IPPK: variants seen among roughly 807,000 people sequenced by gnomAD.
IPPK encodes inositol-pentakisphosphate 2-kinase, also known as IPK1 homolog.
A neutral mutation model predicts 64.6 loss-of-function variants in IPPK; 22 were observed. The ratio of observed to expected loss-of-function variants is 0.34; its 90% CI spans 0.24 to 0.49. The LOEUF is 0.49. Ranked by LOEUF, IPPK falls within the 20% of genes least tolerant of loss-of-function variation. The probability of loss-of-function intolerance (pLI) is 0.99; values close to 1 mark genes in which losing one functional copy is unlikely to be tolerated. For missense variants in IPPK, 532 were observed against 630.7 expected (o/e 0.84, Z 1.68); for synonymous variants, 262 against 247.2 (o/e 1.06, Z -0.56).
At chr9:92,645,565 C>T (rs1410759514) in intron 6 of IPPK, among the ~76,000 whole-genome samples, 1 of 151,978 alleles carries the variant, frequency 6.6e-6, no homozygotes, top group African/African-American at 2.4e-5. Context: ...CAAACTGTCA[C>T]AGGACAAAGC....
At chr9:92,659,638 G>GGA (rs1852441535) in intron 1 of IPPK, among the ~76,000 whole-genome samples, 1 of 152,102 alleles carries the variant, frequency 6.6e-6, no homozygotes, top group East Asian at 1.9e-4. Flanking sequence ...CGCCCCTGCC[G>GGA]AGGCCACAGG....
At chr9:92,650,435 G>A (rs1012036450) in intron 4 of IPPK, among the ~76,000 whole-genome samples, 1 of 152,144 alleles carries the variant, frequency 6.6e-6, no homozygotes, top group African/African-American at 2.4e-5. Flanking sequence ...ACTGCAGTCA[G>A]CCACACCGAT....
intron 6 of IPPK, 43 bp downstream of exon 6, chr9:92,648,016 A>G: frequency 7.2e-7 from 1 of 1,394,606 alleles, no homozygotes; most frequent in Non-Finnish European, 1.0e-6. Flanking sequence ...CCAGATCCCC[A>G]GCGTGCAGCT....
intron 11 of IPPK, among the ~76,000 whole-genome samples, chr9:92,627,494 C>G (rs1851755309): frequency 6.6e-6 from 1 of 152,148 alleles, no homozygotes; most frequent in Admixed American, 6.5e-5. Context: ...ATAAGAAGGA[C>G]AAGACGCCAT....
In IPPK at chr9:92,659,293, C is replaced by T. The variant is rs534004842; in HGVS notation, c.82-612G>A. Among the ~76,000 whole-genome samples, 8 of 152,258 alleles carry T rather than the reference C, an allele frequency of 5.3e-5. No homozygotes were observed. In the South Asian group the frequency reaches 1.7e-3, roughly 32 times the overall value. Reference sequence around the variant, plus strand: ...GGGACTGGTCAGAGGATTATGGGTCCACTTACTTTGTGATAATTAAGCTAT... The same window carrying T: ...GGGACTGGTCAGAGGATTATGGGTCTACTTACTTTGTGATAATTAAGCTAT... On this transcript the variant is annotated intron_variant, in intron 1 of 12. Transcript: ENST00000287996.
chr9:92,638,745 GA>G (rs1280810377), intron 8 of IPPK, among the ~76,000 whole-genome samples: 32 of 152,370 alleles, frequency 2.1e-4, no homozygotes, highest in African/African-American at 7.0e-4. Flanking sequence ...CGCCCAGGGT[GA>G]CCCCAGTGCT....
chr9:92,634,674 C>T (rs1297688657), intron 10 of IPPK, among the ~76,000 whole-genome samples, 186 bp from the exon 11 acceptor site: 1 of 152,198 alleles, frequency 6.6e-6, no homozygotes, highest in South Asian at 2.1e-4. Flanking sequence ...AAGACCAGAA[C>T]CAGCGAGCCT....
intron 1 of IPPK, among the ~76,000 whole-genome samples, chr9:92,667,239 C>T (rs868421967): frequency 6.6e-6 from 1 of 152,218 alleles, no homozygotes; most frequent in Non-Finnish European, 1.5e-5. Context: ...GTAGCAGGGT[C>T]CACCTGCTCC....
intron 8 of IPPK, 62 bp downstream of exon 8, chr9:92,640,648 A>T: frequency 9.3e-7 from 1 of 1,070,204 alleles, no homozygotes; most frequent in Non-Finnish European, 1.5e-6. Flanking sequence ...CTCATCTGTG[A>T]GGTCACTTGA....
At chr9:92,652,101 T>C (rs778325802) in intron 4 of IPPK, among the ~76,000 whole-genome samples, 4 of 152,094 alleles carry the variant, frequency 2.6e-5, no homozygotes, top group Non-Finnish European at 5.9e-5. Flanking sequence ...CAGAGAATTG[T>C]ATCCATGAGC....
chr9:92,619,446 C>T (rs1053520760), intron 12 of IPPK, 40 bp downstream of exon 12: 11 of 1,504,856 alleles, frequency 7.3e-6, no homozygotes, highest in East Asian at 4.8e-5. Context: ...CATAAAACCC[C>T]GTTAGACCCA....
intron 11 of IPPK, among the ~76,000 whole-genome samples, chr9:92,632,947 CT>C (rs1288393978): frequency 6.6e-6 from 1 of 152,186 alleles, no homozygotes; most frequent in African/African-American, 2.4e-5. Flanking sequence ...GGTTTCCTCA[CT>C]GCTTATTGTC....
chr9:92,664,259 C>A (rs1229192837), intron 1 of IPPK, among the ~76,000 whole-genome samples: 1 of 152,240 alleles, frequency 6.6e-6, no homozygotes, highest in Non-Finnish European at 1.5e-5. Flanking sequence ...GGGTGAGCTT[C>A]GCTTCACTGG....
chr9:92,667,896 C>T (rs749408844), intron 1 of IPPK, among the ~76,000 whole-genome samples: 1 of 151,414 alleles, frequency 6.6e-6, no homozygotes, highest in Non-Finnish European at 1.5e-5. Flanking sequence ...GAGCAAGACT[C>T]CGTCTCAAAA....
In IPPK at chr9:92,635,290, C is replaced by A; in HGVS notation, c.935G>T (p.Arg312Leu). 1 of 1,610,422 alleles carries A rather than the reference C, an allele frequency of 6.2e-7. No individual in the cohort carries two copies. Among genetic ancestry groups the A allele is most frequent in the Non-Finnish European group, 8.5e-7 (1 of 1,178,972 alleles). Residue 312 changes from arginine (R) to leucine (L), a missense_variant, in exon 10 of 13, where the codon CGC becomes CTC. Physicochemically the swap from Arg to Leu is moderately radical, Grantham distance 102. Transcript: ENST00000287996. This position sits in a 1 kb window ranked among gnomAD's most constrained non-coding sequence, Gnocchi z 4.4. ...LRCQGKNTPE[R>L]SGLPKGCLLY... is the part of the protein sequence containing the mutation. ...AAGACAGCCCTTCGGTAACCCCGAGCGCTCTGGGGTGTTTTTTCCTACCGA... is the reference window on the plus strand; with the variant it reads ...AAGACAGCCCTTCGGTAACCCCGAGAGCTCTGGGGTGTTTTTTCCTACCGA...
In IPPK at chr9:92,635,166, G is replaced by T; in HGVS notation, c.1059C>A (p.Pro353=). Residue 353 remains proline (P), a synonymous_variant, in exon 10 of 13, where the codon CCC becomes CCA. Transcript: ENST00000287996. The surrounding 1 kb of genome is among the most constrained non-coding windows in gnomAD (Gnocchi z 4.4). ...NRVERYLEEF[P]EERKTLQIDG... ...GGACCGCCCGACCTCACCTCTCCTC[G>T]GGAAACTCTTCCAGGTATCGCTCAA... 3 of 1,612,198 alleles carry T rather than the reference G, an allele frequency of 1.9e-6. No homozygotes were observed. Among genetic ancestry groups the T allele is most frequent in the South Asian group, 1.1e-5 (1 of 90,998 alleles).
At chr9:92,618,851 G>T (rs902215153) in intron 12 of IPPK, 1 of 350,400 alleles carries the variant, frequency 2.9e-6, no homozygotes, top group Admixed American at 3.9e-5. Context: ...CATGTTAGAA[G>T]AATGTGGAAC....
At position 92,615,844 on chromosome 9, in the gene IPPK, G is replaced by A. The variant is rs769497946; in HGVS notation, c.1464C>T (p.Leu488=). The change falls in exon 13 of 13, where the codon CTC becomes CTT. Residue 488 remains leucine, a synonymous_variant. Coordinates refer to ENST00000287996, the MANE Select transcript of IPPK (RefSeq NM_022755.6). ...TGCAGGGAAAGAGTTAGACCTTGTG[G>A]AGAACTAATGTGCAATCTTCGCTTT... The part of the protein sequence containing the change: ...FKESEDCTLV[L]HKV 1.2e-6 allele frequency: 2 copies of A among 1,612,578 alleles called. No homozygotes were observed. The highest frequency in any genetic ancestry group is 1.7e-6 in the Non-Finnish European group (2 of 1,178,598).
intron 5 of IPPK, 67 bp from the exon 6 acceptor site, chr9:92,648,215 T>C (rs1441276801): frequency 9.5e-6 from 11 of 1,156,674 alleles, no homozygotes; most frequent in Middle Eastern, 1.9e-4. Context: ...AATAGACATA[T>C]CACTGACTAC....
Sources: gnomAD v4.1 joint callset for allele counts (sites outside exome capture counted in the v4.1 genomes callset) on GRCh38, gnomAD v4.1.1 for gene constraint, Gnocchi (gnomAD v3.1) non-coding constraint, MANE v1.5 for transcripts, NCBI Gene and HGNC (gene_info 2026-07-23, HGNC 2026-07-21) for gene names.